The following PPA2 variants were observed in gnomAD, a reference collection of about 807,000 sequenced individuals.
PPA2 encodes inorganic pyrophosphatase 2, also known as inorganic pyrophosphatase 2, mitochondrial.
In PPA2, 48 loss-of-function variants were observed where a neutral mutation model predicts 49.5. That is an observed-to-expected ratio of 0.97 (90% confidence interval 0.77 to 1.23). The LOEUF (loss-of-function observed/expected upper bound fraction) is 1.23. PPA2 is among the 50% of genes most tolerant of loss of function. The pLI, the probability that PPA2 is intolerant of heterozygous loss-of-function variation, is 0.00. For synonymous variants in PPA2, 131 were observed against 139.9 expected (o/e 0.94, Z 0.45); for missense variants, 429 against 410.1 (o/e 1.05, Z -0.40).
At chr4:105,447,557 G>C (rs1722451792) in intron 4 of PPA2, among the ~76,000 whole-genome samples, 5 of 152,062 alleles carry the variant, frequency 3.3e-5, no homozygotes, top group Admixed American at 2.6e-4. Flanking sequence ...GTAAGTATTT[G>C]ATGTGACAGA....
Position 105,414,987 on chromosome 4 carries a change from A to G in PPA2, c.655+9209T>C, listed in dbSNP as rs969108941. On this transcript the variant is annotated intron_variant, in intron 7 of 11. Coordinates refer to ENST00000341695, the MANE Select transcript of PPA2 (RefSeq NM_176869.3). Reference sequence around the variant, plus strand: ...ACAGCCCTCAGCAGAGAGGACATCCAGAGCGGGTAGCTCCTAACGCAGGCA... The same window carrying G: ...ACAGCCCTCAGCAGAGAGGACATCCGGAGCGGGTAGCTCCTAACGCAGGCA... 2.0e-5 allele frequency among the ~76,000 whole-genome samples: 3 copies of G among 152,250 alleles called. No homozygotes were observed. The Middle Eastern group carries it at 0.01, about 518-fold the overall frequency.
intron 1 of PPA2, among the ~76,000 whole-genome samples, chr4:105,465,370 C>T (rs963363298): frequency 6.6e-6 from 1 of 152,130 alleles, no homozygotes; most frequent in Non-Finnish European, 1.5e-5. Flanking sequence ...TTATGGAATC[C>T]TCTCTTTACC....
chr4:105,432,667 A>G (rs941079095), intron 6 of PPA2, among the ~76,000 whole-genome samples: 14 of 152,238 alleles, frequency 9.2e-5, no homozygotes, highest in East Asian at 3.8e-4. Flanking sequence ...ATGGCTTTCA[A>G]TGTGGCCCAA....
chr4:105,462,712 A>G (rs1201305204), intron 1 of PPA2, among the ~76,000 whole-genome samples: 1 of 152,068 alleles, frequency 6.6e-6, no homozygotes, highest in Non-Finnish European at 1.5e-5. Context: ...TTGAATTCCC[A>G]CGTGTTGTGG....
At chr4:105,444,524 T>C (rs17035596) in intron 5 of PPA2, among the ~76,000 whole-genome samples, 5,567 of 152,208 alleles carry the variant, frequency 0.037, 338 homozygotes, top group African/African-American at 0.13. Context: ...GTTTTATTAG[T>C]AGAAGAACTA....
At chr4:105,394,395 G>GAAAAA (rs66802514) in intron 9 of PPA2, among the ~76,000 whole-genome samples, 1 of 137,618 alleles carries the variant, frequency 7.3e-6, no homozygotes. Context: ...AAAAAAGAAA[G>GAAAAA]AAAAAAAAAG....
chr4:105,460,276 A>G (rs553516470), intron 1 of PPA2, among the ~76,000 whole-genome samples: 93 of 152,358 alleles, frequency 6.1e-4, no homozygotes, highest in Middle Eastern at 3.4e-3. Flanking sequence ...TAAGTAATTC[A>G]AAGAGGATTA....
At chr4:105,376,087 T>C (rs1365826311) in intron 10 of PPA2, among the ~76,000 whole-genome samples, 3 of 152,216 alleles carry the variant, frequency 2.0e-5, no homozygotes, top group South Asian at 4.1e-4. Context: ...AATGCTTATA[T>C]TGATGGATTC....
chr4:105,464,796 G>C (rs1723235574), intron 1 of PPA2, among the ~76,000 whole-genome samples: 1 of 152,148 alleles, frequency 6.6e-6, no homozygotes, highest in Admixed American at 6.5e-5. Context: ...CAGCCATGTG[G>C]AACTGTAAGT....
chr4:105,459,287 C>T (rs1722991764), intron 1 of PPA2, among the ~76,000 whole-genome samples: 1 of 152,146 alleles, frequency 6.6e-6, no homozygotes, highest in Non-Finnish European at 1.5e-5. Context: ...AAAAACTTCT[C>T]TTTCATATAT....
intron 9 of PPA2, among the ~76,000 whole-genome samples, chr4:105,390,364 G>A (rs1398062660): frequency 6.6e-6 from 1 of 152,120 alleles, no homozygotes; most frequent in Non-Finnish European, 1.5e-5. Flanking sequence ...TAGCATCAGA[G>A]TGAACAGACA....
At chr4:105,410,963 C>A (rs959854696) in intron 7 of PPA2, among the ~76,000 whole-genome samples, 11 of 152,116 alleles carry the variant, frequency 7.2e-5, no homozygotes, top group Admixed American at 2.6e-4. Flanking sequence ...CAAAAACATG[C>A]CAAATGGTAA....
At chr4:105,369,817 T>C (rs1210973779) in intron 11 of PPA2, 64 bp from the exon 12 acceptor site, 19 of 1,410,366 alleles carry the variant, frequency 1.3e-5, no homozygotes, top group Non-Finnish European at 1.7e-5. Flanking sequence ...AGGGAGTGAT[T>C]AATCAAATTT....
intron 2 of PPA2, among the ~76,000 whole-genome samples, chr4:105,454,412 G>A (rs1440623007): frequency 2.0e-5 from 3 of 151,946 alleles, no homozygotes; most frequent in Non-Finnish European, 4.4e-5. Flanking sequence ...CTCACTGCAA[G>A]CTCTGCCTCC....
intron 10 of PPA2, among the ~76,000 whole-genome samples, chr4:105,383,835 C>T (rs992368684): frequency 1.3e-5 from 2 of 151,562 alleles, no homozygotes; most frequent in Admixed American, 6.6e-5. Context: ...GGACTTGATA[C>T]GGTCTGAATC....
rs1326482821 is a variant in PPA2 at position 105,396,464 on chromosome 4, T to C, written c.784-130A>G. 1.0e-5 allele frequency: 6 copies of C among 592,556 alleles called. No homozygotes were observed. The East Asian group carries it at 1.9e-4, about 19-fold the overall frequency. 36.7% of individuals were successfully genotyped at this position (592,556 alleles called of 1,614,324 possible). ...AGCTCCAGAGTCAGGCAAAGCTTGG[T>C]ATAAATTCTGGCTTCCTTATTTGTC... is the stretch of plus-strand genomic sequence containing the variant. On this transcript the variant is annotated intron_variant, in intron 8 of 11. Coordinates refer to ENST00000341695, the MANE Select transcript of PPA2 (RefSeq NM_176869.3).
intron 7 of PPA2, among the ~76,000 whole-genome samples, chr4:105,399,793 G>A (rs534467117): frequency 2.0e-5 from 3 of 152,210 alleles, no homozygotes; most frequent in South Asian, 4.2e-4. Context: ...CTTTATCCAC[G>A]GTTTTGTTTT....
At chr4:105,429,517 C>G (rs1299892883) in intron 6 of PPA2, among the ~76,000 whole-genome samples, 1 of 152,098 alleles carries the variant, frequency 6.6e-6, no homozygotes. Context: ...ATTAACAAAT[C>G]AAAATCTCAT....
intron 10 of PPA2, 94 bp from the exon 11 acceptor site, chr4:105,370,967 A>C (rs1733001068): frequency 2.5e-6 from 3 of 1,199,084 alleles, no homozygotes; most frequent in Non-Finnish European, 3.3e-6. Flanking sequence ...TATAGAAGAA[A>C]GTTTACACAC....
Sources: allele counts gnomAD v4.1 joint callset (sites outside exome capture counted in the v4.1 genomes callset), GRCh38; gene constraint gnomAD v4.1.1; transcripts MANE v1.5; gene names NCBI Gene and HGNC (gene_info 2026-07-23, HGNC 2026-07-21).